MED23: variants seen among roughly 807,000 people sequenced by gnomAD.
MED23 encodes mediator complex subunit 23.
In MED23, 105 loss-of-function variants were observed where a neutral mutation model predicts 163.9. The observed-to-expected ratio is 0.64, with a 90% CI of 0.55 to 0.75. MED23 has a LOEUF of 0.75. Among genes scored for constraint, MED23 ranks in the 30% least tolerant of loss-of-function variants. The pLI is 0.00. For synonymous variants in MED23, 561 were observed against 565.6 expected, an observed-to-expected ratio of 0.99 and a Z score of 0.12; for missense variants, 1,054 against 1,649.0, an observed-to-expected ratio of 0.64 and a Z score of 6.25.
intron 10 of MED23, among the ~76,000 whole-genome samples, chr6:131,611,064 C>T (rs1419631027): frequency 6.6e-6 from 1 of 151,938 alleles, no homozygotes; most frequent in African/African-American, 2.4e-5. Flanking sequence ...ATGTTTAAGC[C>T]ATTTTCATAT....
At chr6:131,604,733 G>C (rs573047925) in intron 14 of MED23, among the ~76,000 whole-genome samples, 1 of 152,316 alleles carries the variant, frequency 6.6e-6, no homozygotes, top group South Asian at 2.1e-4. Flanking sequence ...TGTTATATAT[G>C]CAAGTGAAGC....
chr6:131,584,084 A>G, downstream of MED23: 1 of 735,816 alleles, frequency 1.4e-6, no homozygotes, highest in Non-Finnish European at 2.1e-6. Context: ...GGAAATTCTA[A>G]CTTTTTTGAA....
At chr6:131,599,311 T>C in intron 18 of MED23, among the ~76,000 whole-genome samples, 1 of 152,230 alleles carries the variant, frequency 6.6e-6, no homozygotes, top group East Asian at 1.9e-4. Flanking sequence ...GCTCTAGCCC[T>C]ACCAGGAGTT....
chr6:131,596,257 TGC>T, intron 21 of MED23, 94 bp from the exon 22 acceptor site: 1 of 1,194,602 alleles, frequency 8.4e-7, no homozygotes. Context: ...GATTTTTTTT[TGC>T]AAGGAAACAT....
At chr6:131,584,534 T>C (rs1774104306), downstream of MED23, among the ~76,000 whole-genome samples, 1 of 152,188 alleles carries the variant, frequency 6.6e-6, no homozygotes, top group Non-Finnish European at 1.5e-5. Flanking sequence ...TCCCTGGCTC[T>C]GGTTTCTTCA....
Position 131,605,294 on chromosome 6 carries a change from A to G in MED23, c.1559T>C (p.Ile520Thr), listed in dbSNP as rs1303563887. Residue 520 changes from isoleucine to threonine, a missense_variant, in exon 14 of 29, where the codon ATT becomes ACT. By Grantham distance (89) the Ile-to-Thr change is moderately conservative. Transcript: ENST00000368068. ...CAGGAGGTTCATAGGTAAGGGGGTA[A>G]TAGATCCTGAAGCCATACAGTTTGT... is the stretch of plus-strand genomic sequence containing the variant. The part of the protein sequence containing the change: ...PGTNCMASGS[I>T]TPLPMNLLDS... 1 of 1,613,342 alleles carries G rather than the reference A, an allele frequency of 6.2e-7. No individual in the cohort carries two copies. Among genetic ancestry groups the G allele is most frequent in the Non-Finnish European group, 8.5e-7 (1 of 1,179,456 alleles).
chr6:131,594,362 A>G (rs1408020501), intron 22 of MED23, 27 bp from the exon 23 acceptor site: 14 of 1,493,776 alleles, frequency 9.4e-6, no homozygotes, highest in African/African-American at 1.4e-5. Flanking sequence ...ATACCACCAC[A>G]ATGTTTAACT....
chr6:131,596,200 T>G, intron 21 of MED23, 37 bp from the exon 22 acceptor site: 2 of 1,582,228 alleles, frequency 1.3e-6, no homozygotes, highest in Admixed American at 1.7e-5. Context: ...GTTAGAGCAT[T>G]TTTTAAAAAA....
chr6:131,621,818 G>T, intron 6 of MED23, 63 bp downstream of exon 6: 3 of 1,107,460 alleles, frequency 2.7e-6, no homozygotes, highest in South Asian at 3.1e-5. Flanking sequence ...TAAAAGCACA[G>T]ACCTAAACAA....
chr6:131,614,133 T>C (rs1343515336), intron 10 of MED23, among the ~76,000 whole-genome samples: 3 of 152,190 alleles, frequency 2.0e-5, no homozygotes, highest in Non-Finnish European at 4.4e-5. Context: ...AATTGACAGA[T>C]TATATGAGGT....
At chr6:131,591,104 C>T (rs1477285641) in intron 26 of MED23, among the ~76,000 whole-genome samples, 1 of 151,378 alleles carries the variant, frequency 6.6e-6, no homozygotes, top group African/African-American at 2.4e-5. Flanking sequence ...CCTTAGCCTC[C>T]CGAGTAGCTG....
Position 131,602,207 on chromosome 6 carries a change from A to G in MED23, c.2095+11T>C, listed in dbSNP as rs1241700291. 1 of 1,613,386 alleles carries G rather than the reference A, an allele frequency of 6.2e-7. No individual in the cohort carries two copies. Among genetic ancestry groups the G allele is most frequent in the Non-Finnish European group, 8.5e-7 (1 of 1,179,366 alleles). On this transcript the variant is annotated intron_variant, in intron 17 of 28. Transcript: ENST00000368068. ...CATCTGTTGTTGTTTGTAGTCACAT[A>G]TTCACCGTACCTGTTACATGAGTTG...
intron 9 of MED23, among the ~76,000 whole-genome samples, chr6:131,617,916 T>C (rs904703959): frequency 2.0e-5 from 3 of 152,238 alleles, no homozygotes; most frequent in Non-Finnish European, 4.4e-5. Context: ...GTCTTAAGTA[T>C]CATTGTAAGG....
At chr6:131,613,740 C>T (rs1776444226) in intron 10 of MED23, among the ~76,000 whole-genome samples, 1 of 152,146 alleles carries the variant, frequency 6.6e-6, no homozygotes, top group African/African-American at 2.4e-5. Context: ...GTTCTGTCAG[C>T]ATTTCCATTA....
At chr6:131,607,303 C>T (rs1775926401) in intron 12 of MED23, among the ~76,000 whole-genome samples, 3 of 151,806 alleles carry the variant, frequency 2.0e-5, no homozygotes, top group Admixed American at 2.0e-4. Context: ...CTTGTTTCAT[C>T]TTAAAATTTT....
At chr6:131,611,835 T>A (rs1776298371) in intron 10 of MED23, among the ~76,000 whole-genome samples, 1 of 152,092 alleles carries the variant, frequency 6.6e-6, no homozygotes, top group Non-Finnish European at 1.5e-5. Flanking sequence ...CAATCTGCTT[T>A]AGGAAAAAAG....
chr6:131,621,871 T>TC lies in MED23; in HGVS notation c.495+9dup. 6.3e-7 allele frequency: 1 copy of TC among 1,592,566 alleles called. No individual in the cohort carries two copies. The highest frequency in any genetic ancestry group is 8.6e-7 in the Non-Finnish European group (1 of 1,165,690). ...GTTATGATCACGAATTTCAGACATGTCTAAATTACCTCTCTTGCTGCCAGA... is the reference window on the plus strand; with the variant it reads ...GTTATGATCACGAATTTCAGACATGTCCTAAATTACCTCTCTTGCTGCCAGA... On this transcript the variant is annotated intron_variant, in intron 6 of 28. Coordinates refer to ENST00000368068, the MANE Select transcript of MED23 (RefSeq NM_004830.4).
chr6:131,610,171 C>G lies in MED23; in HGVS notation c.952G>C (p.Glu318Gln). Residue 318 changes from glutamate (E) to glutamine (Q), a missense_variant, in exon 11 of 29, where the codon GAG becomes CAG. By Grantham distance (29) the Glu-to-Gln change is conservative. Coordinates refer to ENST00000368068, the MANE Select transcript of MED23 (RefSeq NM_004830.4). ...GTTCCCCCATCGTCAAACTTCTCCTCGGTCTCAGATCGCTCCATGGCATAA... is the reference window on the plus strand; with the variant it reads ...GTTCCCCCATCGTCAAACTTCTCCTGGGTCTCAGATCGCTCCATGGCATAA... ...VVYAMERSET[E>Q]EKFDDGGTSQ... 6.2e-7 allele frequency: 1 copy of G among 1,614,052 alleles called. No individual in the cohort carries two copies. Among genetic ancestry groups the G allele is most frequent in the Non-Finnish European group, 8.5e-7 (1 of 1,179,948 alleles).
chr6:131,611,635 A>T (rs1358222549), intron 10 of MED23, among the ~76,000 whole-genome samples: 1 of 152,114 alleles, frequency 6.6e-6, no homozygotes, highest in Non-Finnish European at 1.5e-5. Context: ...ACCACCAACA[A>T]CCTAAGAAAT....
Sources: allele counts gnomAD v4.1 joint callset (sites outside exome capture counted in the v4.1 genomes callset), GRCh38; gene constraint gnomAD v4.1.1; transcripts MANE v1.5; gene names NCBI Gene and HGNC (gene_info 2026-07-23, HGNC 2026-07-21).